The following RGSL1 variants were observed in gnomAD, a reference collection of about 807,000 sequenced individuals.
RGSL1 encodes regulator of G protein signaling like 1.
In RGSL1, 97 loss-of-function variants were observed where a neutral mutation model predicts 124.7. That is an observed-to-expected ratio of 0.78 (90% CI 0.66 to 0.92). The LOEUF is 0.92. Among genes scored for constraint, RGSL1 ranks in the 40% least tolerant of loss-of-function variants. The probability of loss-of-function intolerance (pLI) is 0.00; values close to 1 mark genes in which losing one functional copy is unlikely to be tolerated. For missense variants in RGSL1, 1,233 were observed against 1,288.4 expected, an observed-to-expected ratio of 0.96 and a Z score of 0.66; for synonymous variants, 424 against 438.1, an observed-to-expected ratio of 0.97 and a Z score of 0.40.
At chr1:182,527,384 G>A (rs969936499) in intron 10 of RGSL1, among the ~76,000 whole-genome samples, 195 bp from the exon 11 acceptor site, 2 of 152,148 alleles carry the variant, frequency 1.3e-5, no homozygotes, top group Admixed American at 1.3e-4. Flanking sequence ...ATTGGACCAA[G>A]CTTAGAAATG....
chr1:182,497,916 G>C (rs1475317309), intron 9 of RGSL1, among the ~76,000 whole-genome samples: 4 of 152,020 alleles, frequency 2.6e-5, no homozygotes, highest in Non-Finnish European at 5.9e-5. Flanking sequence ...TGTAGAAATG[G>C]GGTCTCACTA....
chr1:182,503,976 T>TC (rs1571590532), intron 9 of RGSL1, among the ~76,000 whole-genome samples: 563 of 51,308 alleles, frequency 0.011, 19 homozygotes, highest in African/African-American at 0.032. Flanking sequence ...TGTAATTTCT[T>TC]TTTTTTTTTT....
chr1:182,524,752 T>C (rs191148058), intron 10 of RGSL1, among the ~76,000 whole-genome samples: 1 of 152,290 alleles, frequency 6.6e-6, no homozygotes, highest in East Asian at 1.9e-4. Flanking sequence ...AGGAGCACTG[T>C]CAAAACCGAT....
At chr1:182,503,608 G>A (rs979476896) in intron 9 of RGSL1, among the ~76,000 whole-genome samples, 2 of 149,594 alleles carry the variant, frequency 1.3e-5, no homozygotes, top group Non-Finnish European at 1.5e-5. Context: ...GGGAGGGTGG[G>A]TTGTGTAGGG....
intron 6 of RGSL1, among the ~76,000 whole-genome samples, chr1:182,484,435 T>C (rs972151166): frequency 1.3e-5 from 2 of 152,136 alleles, no homozygotes; most frequent in African/African-American, 2.4e-5. Flanking sequence ...CATGAGAATA[T>C]GTGACTGCTC....
At chr1:182,551,071 C>T (rs562057139) in intron 17 of RGSL1, 29 bp from the exon 18 acceptor site, 15 of 1,501,368 alleles carry the variant, frequency 1.0e-5, no homozygotes, top group Non-Finnish European at 1.3e-5. Flanking sequence ...GGGGTTCCCT[C>T]CTATGACCAG....
At chr1:182,519,901 G>T (rs1264632063) in intron 9 of RGSL1, among the ~76,000 whole-genome samples, 3 of 151,768 alleles carry the variant, frequency 2.0e-5, no homozygotes, top group Non-Finnish European at 4.4e-5. Context: ...TTTATTTCTA[G>T]AATTTACATT....
chr1:182,495,549 T>C (rs1655849698), intron 9 of RGSL1, among the ~76,000 whole-genome samples: 1 of 152,208 alleles, frequency 6.6e-6, no homozygotes, highest in African/African-American at 2.4e-5. Context: ...ATGTATATAT[T>C]CTTATCCTGG....
At chr1:182,525,816 T>G (rs1330226406) in intron 10 of RGSL1, among the ~76,000 whole-genome samples, 3 of 151,790 alleles carry the variant, frequency 2.0e-5, no homozygotes, top group Admixed American at 2.0e-4. Context: ...GTTAGTTTTT[T>G]GTAGAGATTA....
At chr1:182,475,447 TG>T (rs1654215557) in intron 6 of RGSL1, among the ~76,000 whole-genome samples, 1 of 152,068 alleles carries the variant, frequency 6.6e-6, no homozygotes, top group African/African-American at 2.4e-5. Flanking sequence ...GGTGGTGCAG[TG>T]GGGCAACCAC....
At chr1:182,554,869 T>A in intron 20 of RGSL1, 176 bp downstream of exon 20, 1 of 628,984 alleles carries the variant, frequency 1.6e-6, no homozygotes, top group Non-Finnish European at 2.8e-6. Flanking sequence ...TGTTTCTCTG[T>A]GGGGGTCCTT....
chr1:182,473,403 C>A (rs1654007182), intron 5 of RGSL1, among the ~76,000 whole-genome samples, 172 bp from the exon 6 acceptor site: 1 of 152,026 alleles, frequency 6.6e-6, no homozygotes, highest in South Asian at 2.1e-4. Flanking sequence ...CTGAGAAAAC[C>A]ATAAAAATGT....
chr1:182,553,700 G>A (rs1660700743), intron 19 of RGSL1, among the ~76,000 whole-genome samples, 159 bp downstream of exon 19: 1 of 152,142 alleles, frequency 6.6e-6, no homozygotes, highest in South Asian at 2.1e-4. Flanking sequence ...TGGCAGAGAG[G>A]AGGTGAAAAT....
intron 15 of RGSL1, among the ~76,000 whole-genome samples, chr1:182,540,931 A>G (rs1419481954): frequency 1.3e-5 from 2 of 152,188 alleles, no homozygotes; most frequent in Non-Finnish European, 1.5e-5. Flanking sequence ...TTTCTTGTAT[A>G]GACTATACCC....
chr1:182,494,562 G>T (rs908591974), intron 9 of RGSL1, among the ~76,000 whole-genome samples: 1 of 152,108 alleles, frequency 6.6e-6, no homozygotes, highest in African/African-American at 2.4e-5. Flanking sequence ...TTATTGGACA[G>T]CACTGGTCTA....
chr1:182,485,228 C>T (rs964818251), intron 6 of RGSL1, among the ~76,000 whole-genome samples: 4 of 152,068 alleles, frequency 2.6e-5, no homozygotes, highest in Non-Finnish European at 4.4e-5. Flanking sequence ...GATCCAGGCT[C>T]GGGGAGTGGG....
chr1:182,503,398 A>C (rs1181484005), intron 9 of RGSL1, among the ~76,000 whole-genome samples: 6 of 152,232 alleles, frequency 3.9e-5, no homozygotes, highest in Admixed American at 3.9e-4. Context: ...CAGCCATAAA[A>C]AGAATGAGAT....
intron 9 of RGSL1, among the ~76,000 whole-genome samples, chr1:182,501,307 C>CTTTTTTTTTTTTTT (rs141279993): frequency 9.8e-5 from 6 of 61,364 alleles, no homozygotes; most frequent in Admixed American, 2.7e-4. Context: ...TTTTTCTTTT[C>CTTTTTTTTTTTTTT]TTTTTTTTTT....
chr1:182,453,944 C>T lies in RGSL1; in HGVS notation c.14-14C>T. 7.4e-7 allele frequency: 1 copy of T among 1,353,222 alleles called. No homozygotes were observed. The highest frequency in any genetic ancestry group is 1.3e-5 in the South Asian group (1 of 78,420). 83.8% of individuals were successfully genotyped at this position (1,353,222 alleles called of 1,614,324 possible). On this transcript the variant is annotated splice_polypyrimidine_tract_variant and intron_variant, in intron 1 of 21. Coordinates refer to ENST00000294854, the MANE Select transcript of RGSL1 (RefSeq NM_001137669.2). Reference sequence around the variant, plus strand: ...GTTCATGTTTTGTTTTTTTATTTCTCTCTCTCCATATAGAGATAATTGGTT... The same window carrying T: ...GTTCATGTTTTGTTTTTTTATTTCTTTCTCTCCATATAGAGATAATTGGTT...
Sources: gnomAD v4.1 joint callset for allele counts (sites outside exome capture counted in the v4.1 genomes callset) on GRCh38, gnomAD v4.1.1 for gene constraint, MANE v1.5 for transcripts, NCBI Gene and HGNC (gene_info 2026-07-23, HGNC 2026-07-21) for gene names.